SUGCT: variants seen among roughly 807,000 people sequenced by gnomAD.
SUGCT encodes succinyl-CoA:glutarate CoA-transferase.
SUGCT carries 41 observed loss-of-function variants against 55.0 expected under a neutral mutation model. The observed-to-expected ratio is 0.74, with a 90% CI of 0.58 to 0.97. The LOEUF (loss-of-function observed/expected upper bound fraction) is 0.97, where lower values mean the gene tolerates loss of function less well. SUGCT is among the 50% of genes least tolerant of loss of function. SUGCT has a pLI of 0.00. For synonymous variants in SUGCT, 187 were observed against 200.4 expected, an observed-to-expected ratio of 0.93 and a Z score of 0.56; for missense variants, 568 against 547.8, an observed-to-expected ratio of 1.04 and a Z score of -0.37.
At chr7:40,785,301 C>T (rs534227313) in intron 13 of SUGCT, 9 of 152,294 alleles carry the variant, frequency 5.9e-5, no homozygotes, top group Admixed American at 5.9e-4. Flanking sequence ...ACTAAATTAG[C>T]TCAGTGAAAT....
chr7:40,655,415 A>G (rs896860820), intron 12 of SUGCT, among the ~76,000 whole-genome samples: 1 of 152,228 alleles, frequency 6.6e-6, no homozygotes, highest in Non-Finnish European at 1.5e-5. Flanking sequence ...AAAAGGTTAT[A>G]ACCTGCTCCT....
At chr7:40,293,136 A>G (rs1793893013) in intron 8 of SUGCT, among the ~76,000 whole-genome samples, 1 of 151,928 alleles carries the variant, frequency 6.6e-6, no homozygotes, top group Admixed American at 6.6e-5. Flanking sequence ...GGTAATGAGA[A>G]TTTTTCTGTG....
intron 9 of SUGCT, among the ~76,000 whole-genome samples, chr7:40,387,466 T>C (rs1054779131): frequency 6.6e-6 from 1 of 152,190 alleles, no homozygotes; most frequent in Non-Finnish European, 1.5e-5. Context: ...GGAAACTACC[T>C]GAGTCACTAT....
the SUGCT span, among the ~76,000 whole-genome samples, chr7:41,010,754 C>A: frequency 1.3e-5 from 2 of 152,018 alleles, no homozygotes; most frequent in East Asian, 3.9e-4. Context: ...CTGTAATCAC[C>A]CATTTTGGAC....
rs1787679344 is a variant in SUGCT, at chr7:40,428,044, T to C, written c.817-21243T>C. ...TATTGTGGTGTTCTCTTTATCTTCC[T>C]TTTGCTCCATCAGTGCTTGTTTCAT... On this transcript the variant is annotated intron_variant, in intron 9 of 13. Coordinates refer to ENST00000335693, the MANE Select transcript of SUGCT (RefSeq NM_001193313.2). 2.0e-5 allele frequency among the ~76,000 whole-genome samples: 3 copies of C among 152,188 alleles called. No individual in the cohort carries two copies. The South Asian group carries it at 6.2e-4, about 32-fold the overall frequency.
At chr7:40,840,455 C>T (rs1472374405) in intron 13 of SUGCT, among the ~76,000 whole-genome samples, 5 of 142,696 alleles carry the variant, frequency 3.5e-5, no homozygotes, top group South Asian at 2.3e-4. Flanking sequence ...CTAAATGATG[C>T]GTAGGTTGAG....
At chr7:40,660,966 G>A (rs1036267303) in intron 12 of SUGCT, among the ~76,000 whole-genome samples, 2 of 152,110 alleles carry the variant, frequency 1.3e-5, no homozygotes, top group African/African-American at 2.4e-5. Context: ...CCTGAGGCTG[G>A]TTAAAACCAA....
chr7:40,578,807 C>G (rs148778155), intron 12 of SUGCT, among the ~76,000 whole-genome samples: 1 of 152,150 alleles, frequency 6.6e-6, no homozygotes, highest in African/African-American at 2.4e-5. Flanking sequence ...TTTAAATTCA[C>G]CCCCACCTGC....
chr7:40,854,424 CTTTCTTTCTTTCTTT>C (rs1794042031), intron 13 of SUGCT, among the ~76,000 whole-genome samples: 1 of 114,932 alleles, frequency 8.7e-6, no homozygotes, highest in African/African-American at 3.5e-5. Flanking sequence ...TCTTTCCTTT[CTTTCTTTCTTTCTTT>C]CTTTCTTTCT....
chr7:40,144,246 A>T (rs780975368), intron 1 of SUGCT, among the ~76,000 whole-genome samples: 2 of 152,208 alleles, frequency 1.3e-5, no homozygotes, highest in African/African-American at 4.8e-5. Context: ...ACAGGGTATA[A>T]CAAGGCAAGC....
At chr7:40,790,211 T>C (rs1790238963) in intron 13 of SUGCT, among the ~76,000 whole-genome samples, 1 of 152,188 alleles carries the variant, frequency 6.6e-6, no homozygotes, top group Non-Finnish European at 1.5e-5. Context: ...TACCCCCAGC[T>C]ACTGTTCTCA....
intron 13 of SUGCT, among the ~76,000 whole-genome samples, chr7:40,751,298 G>A (rs555771216): frequency 1.6e-4 from 24 of 152,196 alleles, no homozygotes; most frequent in African/African-American, 5.8e-4. Context: ...GAGAGGTAGG[G>A]AGAGCCTGGG....
chr7:40,776,230 G>C (rs1789443214), intron 13 of SUGCT, among the ~76,000 whole-genome samples: 1 of 152,178 alleles, frequency 6.6e-6, no homozygotes, highest in Non-Finnish European at 1.5e-5. Flanking sequence ...CTTTGAATTA[G>C]TTTTCTCTTT....
chr7:40,294,358 C>G (rs1793986076), intron 8 of SUGCT, among the ~76,000 whole-genome samples: 1 of 152,146 alleles, frequency 6.6e-6, no homozygotes, highest in African/African-American at 2.4e-5. Flanking sequence ...AACTGGTAGT[C>G]TTTAGGAGTG....
chr7:40,339,276 T>A (rs1463164993), intron 9 of SUGCT, among the ~76,000 whole-genome samples: 1 of 152,198 alleles, frequency 6.6e-6, no homozygotes, highest in African/African-American at 2.4e-5. Flanking sequence ...TTCAAAGCTG[T>A]CAGACAGGGA....
At chr7:40,971,371 G>T in the SUGCT span, among the ~76,000 whole-genome samples, 1 of 152,092 alleles carries the variant, frequency 6.6e-6, no homozygotes, top group African/African-American at 2.4e-5. Flanking sequence ...AGATTTGGAG[G>T]GGACTTCCAA....
chr7:40,156,006 G>A (rs1284197110), intron 1 of SUGCT, among the ~76,000 whole-genome samples: 2 of 151,922 alleles, frequency 1.3e-5, no homozygotes, highest in East Asian at 3.9e-4. Flanking sequence ...ACAGGTGTAC[G>A]CCACCATGCC....
chr7:40,404,530 T>C (rs368522538), intron 9 of SUGCT, among the ~76,000 whole-genome samples: 1 of 152,050 alleles, frequency 6.6e-6, no homozygotes, highest in East Asian at 1.9e-4. Context: ...CTCTGCCTCC[T>C]GGGTTAAGCG....
chr7:40,524,124 T>C (rs1040119248), intron 12 of SUGCT, among the ~76,000 whole-genome samples: 1 of 152,122 alleles, frequency 6.6e-6, no homozygotes, highest in Non-Finnish European at 1.5e-5. Context: ...TACTTTACCC[T>C]TGTCCTTAGT....
Sources: gnomAD v4.1 joint callset for allele counts (sites outside exome capture counted in the v4.1 genomes callset) on GRCh38, gnomAD v4.1.1 for gene constraint, MANE v1.5 for transcripts, NCBI Gene and HGNC (gene_info 2026-07-23, HGNC 2026-07-21) for gene names.